TIA1: variants seen among roughly 807,000 people sequenced by gnomAD.
TIA1 encodes the protein cytotoxic granule associated RNA binding protein TIA1.
In TIA1, 23 loss-of-function variants were observed where a neutral mutation model predicts 65.9. That is an observed-to-expected ratio of 0.35 (90% CI 0.25 to 0.49). The LOEUF (loss-of-function observed/expected upper bound fraction) is 0.49, where lower values mean the gene tolerates loss of function less well. TIA1 is among the 20% of genes least tolerant of loss of function. The pLI, the probability that TIA1 is intolerant of heterozygous loss-of-function variation, is 0.98. For missense variants in TIA1, 371 were observed against 477.9 expected (o/e 0.78, Z 2.09); for synonymous variants, 147 against 149.4 (o/e 0.98, Z 0.12).
intron 12 of TIA1, among the ~76,000 whole-genome samples, chr2:70,213,433 T>C (rs1677178578): frequency 6.6e-6 from 1 of 150,694 alleles, no homozygotes; most frequent in Non-Finnish European, 1.5e-5. Flanking sequence ...AACCTACGTC[T>C]CCCCAGGCTC....
rs70956955 is a variant in TIA1 at position 70,232,540 on chromosome 2, CAAAAAAAAAAAAAAAAAA to C, written c.124-1704_124-1687del. On this transcript the variant is annotated intron_variant, in intron 2 of 12. Coordinates refer to ENST00000433529, the MANE Select transcript of TIA1 (RefSeq NM_022173.4). ...GGGCAACAAGAGTGAAACTCTGTCT[CAAAAAAAAAAAAAAAAAA>C]AAAAAAAAAAAAAAAATTATCTTCC... Among the ~76,000 whole-genome samples, 51 of 40,282 alleles carry C rather than the reference CAAAAAAAAAAAAAAAAAA, an allele frequency of 1.3e-3. No homozygotes were observed. In the South Asian group the frequency reaches 0.069, roughly 54 times the overall value. 26.4% of individuals were successfully genotyped at this position (40,282 alleles called of 152,430 possible). A position where few individuals can be genotyped will look rare whatever the true frequency, so the allele number is the denominator to read the frequency against.
At chr2:70,244,718 C>G (rs533582876) in intron 1 of TIA1, among the ~76,000 whole-genome samples, 43 of 151,550 alleles carry the variant, frequency 2.8e-4, no homozygotes, top group Non-Finnish European at 4.9e-4. Context: ...GCCTGCAGTC[C>G]CAGCTACTCC....
At chr2:70,225,046 T>C in intron 6 of TIA1, 1 of 982,280 alleles carries the variant, frequency 1.0e-6, no homozygotes, top group South Asian at 4.0e-5. Context: ...AATAGAAAAC[T>C]GGAAACCAAA....
intron 8 of TIA1, 177 bp from the exon 9 acceptor site, chr2:70,216,676 C>A: frequency 7.0e-7 from 1 of 1,423,892 alleles, no homozygotes; most frequent in South Asian, 1.4e-5. Flanking sequence ...AAAAAATTAC[C>A]CAGTATTTTC....
At chr2:70,227,975 A>G (rs1684524646) in intron 5 of TIA1, 153 bp from the exon 6 acceptor site, 1 of 497,468 alleles carries the variant, frequency 2.0e-6, no homozygotes, top group Non-Finnish European at 3.5e-6. Flanking sequence ...AAATCCTACC[A>G]ATTTTAAACA....
At chr2:70,244,498 A>G (rs947940109) in intron 1 of TIA1, among the ~76,000 whole-genome samples, 9 of 152,196 alleles carry the variant, frequency 5.9e-5, no homozygotes, top group African/African-American at 1.2e-4. Context: ...ATTTGGAAAC[A>G]TAAGTATTAT....
chr2:70,245,715 G>T (rs992879320), intron 1 of TIA1, among the ~76,000 whole-genome samples: 1 of 152,136 alleles, frequency 6.6e-6, no homozygotes, highest in Non-Finnish European at 1.5e-5. Context: ...GTTTGTCTCA[G>T]AATATGATTC....
chr2:70,229,147 A>G (rs1166035254), intron 4 of TIA1, 56 bp from the exon 5 acceptor site: 2 of 1,607,706 alleles, frequency 1.2e-6, no homozygotes, highest in African/African-American at 1.3e-5. Flanking sequence ...ACATTCAATC[A>G]TATCTTAGGA....
chr2:70,234,945 T>C (rs1240373059), intron 2 of TIA1, among the ~76,000 whole-genome samples: 1 of 151,932 alleles, frequency 6.6e-6, no homozygotes, highest in Non-Finnish European at 1.5e-5. Context: ...CATACACACA[T>C]ACATGATTGT....
chr2:70,221,269 T>C (rs1681204083), intron 7 of TIA1, among the ~76,000 whole-genome samples: 1 of 151,858 alleles, frequency 6.6e-6, no homozygotes, highest in Non-Finnish European at 1.5e-5. Flanking sequence ...CCACCCAAAG[T>C]GCTGGGATTA....
intron 1 of TIA1, among the ~76,000 whole-genome samples, 189 bp from the exon 2 acceptor site, chr2:70,236,364 T>G (rs1036660920): frequency 6.6e-6 from 1 of 152,054 alleles, no homozygotes; most frequent in Admixed American, 6.6e-5. Flanking sequence ...CACACCCAGC[T>G]AATTTTGTAT....
chr2:70,241,218 G>A (rs1352504829), intron 1 of TIA1, among the ~76,000 whole-genome samples: 2 of 151,954 alleles, frequency 1.3e-5, no homozygotes, highest in African/African-American at 4.8e-5. Context: ...AGACCGAGGC[G>A]GATCACAGGT....
chr2:70,216,304 A>G lies in TIA1; in HGVS notation c.680-12T>C. The G allele has an allele frequency of 6.3e-7, 1 of 1,584,432 alleles. No homozygotes were observed. Among genetic ancestry groups the G allele is most frequent in the South Asian group, 1.2e-5 (1 of 85,136 alleles). On this transcript the variant is annotated splice_polypyrimidine_tract_variant and intron_variant, in intron 9 of 12. Transcript: ENST00000433529. The stretch of plus-strand genomic sequence containing the variant: ...ACGCATTAGTTGTTCTGTTAGACAA[A>G]AAACCAAAACAAACAAATCACACTA...
At chr2:70,234,398 T>C (rs1016058398) in intron 2 of TIA1, among the ~76,000 whole-genome samples, 10 of 152,196 alleles carry the variant, frequency 6.6e-5, no homozygotes, top group African/African-American at 1.9e-4. Flanking sequence ...TATGGGTACA[T>C]GGATTTTTTC....
chr2:70,212,765 G>T lies in TIA1; in HGVS notation c.1115C>A (p.Pro372His). 6.2e-7 allele frequency: 1 copy of T among 1,614,058 alleles called. No individual in the cohort carries two copies. The highest frequency in any genetic ancestry group is 1.7e-5 in the Admixed American group (1 of 60,016). Residue 372 changes from proline (P) to histidine (H), a missense_variant, in exon 13 of 13, where the codon CCC becomes CAC. Pro to His is a moderately conservative substitution (Grantham distance 77). Coordinates refer to ENST00000433529, the MANE Select transcript of TIA1 (RefSeq NM_022173.4). ...PPQGQNGSML[P>H]NQPSGYRVAG... ...CACTCGATACCCAGAAGGCTGATTG[G>T]GCAACATGCTGCCATTTTGCCCTTG... is the stretch of plus-strand genomic sequence containing the variant.
chr2:70,236,575 C>T (rs1689056356), intron 1 of TIA1, among the ~76,000 whole-genome samples: 1 of 151,944 alleles, frequency 6.6e-6, no homozygotes, highest in African/African-American at 2.4e-5. Flanking sequence ...AACCTACTGC[C>T]TTGGTCCCCT....
chr2:70,244,325 G>A (rs1301300248), intron 1 of TIA1, among the ~76,000 whole-genome samples: 1 of 152,062 alleles, frequency 6.6e-6, no homozygotes, highest in African/African-American at 2.4e-5. Context: ...TTTCTCCATA[G>A]CACTTATTAC....
intron 5 of TIA1, chr2:70,228,458 T>C: frequency 7.8e-7 from 1 of 1,278,432 alleles, no homozygotes; most frequent in Non-Finnish European, 1.0e-6. Context: ...GCAAGTGAAC[T>C]AAGACTGAAG....
chr2:70,240,097 T>C (rs1291309777), intron 1 of TIA1, among the ~76,000 whole-genome samples: 1 of 152,188 alleles, frequency 6.6e-6, no homozygotes, highest in Non-Finnish European at 1.5e-5. Flanking sequence ...AGTTATCACA[T>C]AGATTACTTA....
Sources: allele counts gnomAD v4.1 joint callset (sites outside exome capture counted in the v4.1 genomes callset), GRCh38; gene constraint gnomAD v4.1.1; transcripts MANE v1.5; gene names NCBI Gene and HGNC (gene_info 2026-07-23, HGNC 2026-07-21).